The following ENOSF1 variants were observed in gnomAD, a reference collection of about 807,000 sequenced individuals.
ENOSF1 encodes enolase superfamily member 1.
A neutral mutation model predicts 68.2 loss-of-function variants in ENOSF1; 73 were observed. The ratio of observed to expected loss-of-function variants is 1.07; its 90% CI spans 0.89 to 1.30. The LOEUF is 1.30. Ranked by LOEUF, ENOSF1 falls within the 50% of genes most tolerant of loss-of-function variation. The pLI, the probability that ENOSF1 is intolerant of heterozygous loss-of-function variation, is 0.00. For synonymous variants in ENOSF1, 223 were observed against 210.4 expected (o/e 1.06, Z -0.52); for missense variants, 589 against 554.5 (o/e 1.06, Z -0.62).
chr18:704,600 T>A (rs1007172039), intron 2 of ENOSF1, among the ~76,000 whole-genome samples: 1 of 143,606 alleles, frequency 7.0e-6, no homozygotes, highest in Non-Finnish European at 1.5e-5. Flanking sequence ...TTCTGTCTTC[T>A]GTATCTTTTT....
chr18:702,702 G>C (rs896818713), intron 2 of ENOSF1, among the ~76,000 whole-genome samples: 4 of 151,788 alleles, frequency 2.6e-5, no homozygotes, highest in African/African-American at 9.7e-5. Context: ...TTGCACCACT[G>C]CACTCCAGCC....
downstream of ENOSF1, among the ~76,000 whole-genome samples, chr18:669,818 C>T (rs948922922): frequency 1.4e-5 from 2 of 143,466 alleles, no homozygotes; most frequent in Non-Finnish European, 3.1e-5. Flanking sequence ...GGTGTAGAGC[C>T]AGGTGTGGTG....
chr18:690,156 G>A (rs2144981259), intron 8 of ENOSF1, among the ~76,000 whole-genome samples: 1 of 152,178 alleles, frequency 6.6e-6, no homozygotes, highest in South Asian at 2.1e-4. Flanking sequence ...AACATAAGTA[G>A]TGTTTCCCTG....
intron 2 of ENOSF1, among the ~76,000 whole-genome samples, chr18:703,062 T>C (rs568393296): frequency 3.4e-4 from 52 of 152,234 alleles, no homozygotes; most frequent in African/African-American, 1.2e-3. Context: ...ACCTGAAATA[T>C]GTAGCAAGGT....
chr18:707,964 A>C (rs2079111737), intron 1 of ENOSF1, among the ~76,000 whole-genome samples: 1 of 150,582 alleles, frequency 6.6e-6, no homozygotes, highest in African/African-American at 2.4e-5. Context: ...GATTCAAGCG[A>C]TTCTTCTGCC....
rs2075114157 is a variant in ENOSF1, at chr18:672,634, A to G, written c.*1671T>C. The G allele has an allele frequency of 2.7e-6, 1 of 375,254 alleles. No individual in the cohort carries two copies. Among genetic ancestry groups the G allele is most frequent in the East Asian group, 3.8e-5 (1 of 26,012 alleles). 23.2% of individuals were successfully genotyped at this position (375,254 alleles called of 1,614,324 possible). A position where few individuals can be genotyped will look rare whatever the true frequency, so the allele number is the denominator to read the frequency against. ...CACCTGATGAGGCACCAGGCTCCTG[A>G]TGCTGTGTAATGTCACAAAATACCC... On this transcript the variant is annotated 3_prime_UTR_variant, in exon 16 of 16. Coordinates refer to ENST00000647584, the MANE Select transcript of ENOSF1 (RefSeq NM_017512.7).
downstream of ENOSF1, among the ~76,000 whole-genome samples, chr18:668,170 A>T (rs2144327625): frequency 6.6e-6 from 1 of 152,132 alleles, no homozygotes; most frequent in African/African-American, 2.4e-5. Flanking sequence ...CAATTTTAGC[A>T]CGTGTAGACT....
chr18:671,726 G>C lies in ENOSF1; in HGVS notation c.*2579C>G, dbSNP rs888275653. On this transcript the variant is annotated 3_prime_UTR_variant, in exon 16 of 16. Transcript: ENST00000647584. Reference sequence around the variant, plus strand: ...TTCAAGCCAGGGGATTGTCCAAAAGGGGGCATTTTAACTCATTTTAACTTG... The same window carrying C: ...TTCAAGCCAGGGGATTGTCCAAAAGCGGGCATTTTAACTCATTTTAACTTG... The C allele has an allele frequency of 9.2e-5, 43 of 467,754 alleles. No individual in the cohort carries two copies. Among genetic ancestry groups the C allele is most frequent in the Non-Finnish European group, 1.2e-4 (33 of 266,264 alleles). The allele number at this position is 467,754 out of a possible 1,614,324, so 29.0% of individuals were successfully genotyped here. A position where few individuals can be genotyped will look rare whatever the true frequency, so the allele number is the denominator to read the frequency against.
intron 11 of ENOSF1, among the ~76,000 whole-genome samples, chr18:679,094 C>T (rs1232548250): frequency 6.6e-6 from 1 of 152,148 alleles, no homozygotes; most frequent in Middle Eastern, 3.2e-3. Context: ...CGGAGTGGCT[C>T]ATTGTGGACT....
rs114778946 is a variant in ENOSF1, at chr18:690,656, A to G, written c.536-25T>C. 6,709 of 1,611,962 alleles carry G rather than the reference A, an allele frequency of 4.2e-3. 256 individuals are homozygous for G. The African/African-American group carries it at 0.08, about 19-fold the overall frequency. Reference sequence around the variant, plus strand: ...TCTGTGAAAACACAGCGCCGTCAACATTTTGCACTTTCCAGGGCCCTTCGG... The same window carrying G: ...TCTGTGAAAACACAGCGCCGTCAACGTTTTGCACTTTCCAGGGCCCTTCGG... On this transcript the variant is annotated intron_variant, in intron 7 of 15. Transcript: ENST00000647584.
At position 674,244 on chromosome 18, in the gene ENOSF1, A is replaced by C. The variant is rs2075236861; in HGVS notation, c.*61T>G. 1 of 1,191,488 alleles carries C rather than the reference A, an allele frequency of 8.4e-7. No homozygotes were observed. Among genetic ancestry groups the C allele is most frequent in the Non-Finnish European group, 1.2e-6 (1 of 826,168 alleles). 73.8% of individuals were successfully genotyped at this position (1,191,488 alleles called of 1,614,324 possible). A position where few individuals can be genotyped will look rare whatever the true frequency, so the allele number is the denominator to read the frequency against. On this transcript the variant is annotated 3_prime_UTR_variant, in exon 16 of 16. Transcript: ENST00000647584. ...TTTTTAAATCCATTTTTGTAAAACT[A>C]TTTCCAAGAAATTTTAAGCCCTTTC...
intron 9 of ENOSF1, chr18:687,660 A>G (rs2076739611): frequency 6.6e-6 from 1 of 152,404 alleles, no homozygotes; most frequent in South Asian, 2.1e-4. Flanking sequence ...CAGGGTCATC[A>G]ACCATCGAGG....
Position 672,989 on chromosome 18 carries a change from G to T in ENOSF1, c.*1316C>A. 6.4e-7 allele frequency: 1 copy of T among 1,564,314 alleles called. No individual in the cohort carries two copies. The highest frequency in any genetic ancestry group is 1.2e-5 in the South Asian group (1 of 86,130). ...GCATCCAACTATTAAAATGGAAATG[G>T]CTGTTTAGGGTGCTTTCAAAGGAGC... On this transcript the variant is annotated 3_prime_UTR_variant, in exon 16 of 16. Transcript: ENST00000647584.
intron 14 of ENOSF1, 100 bp from the exon 15 acceptor site, chr18:675,502 G>T: frequency 9.7e-7 from 1 of 1,034,444 alleles, no homozygotes; most frequent in Non-Finnish European, 1.5e-6. Context: ...TCAATTGACA[G>T]TGTTGGCCAA....
intron 2 of ENOSF1, among the ~76,000 whole-genome samples, chr18:705,788 C>T (rs573266222): frequency 4.6e-5 from 7 of 151,972 alleles, no homozygotes; most frequent in Middle Eastern, 3.4e-3. Context: ...ACAGGCGGAT[C>T]ATTTGAGGTC....
At chr18:690,433 C>T (rs545955957) in intron 8 of ENOSF1, 116 bp downstream of exon 8, 408 of 1,173,178 alleles carry the variant, frequency 3.5e-4, no homozygotes, top group Non-Finnish European at 4.7e-4. Context: ...AGAAGGAAAA[C>T]CACACACATC....
intron 2 of ENOSF1, among the ~76,000 whole-genome samples, chr18:703,897 T>C (rs935988779): frequency 1.3e-5 from 2 of 152,070 alleles, no homozygotes; most frequent in African/African-American, 4.8e-5. Flanking sequence ...AGTGAGTGAG[T>C]TCTCGTGAGA....
chr18:689,939 A>G (rs776000199), intron 8 of ENOSF1, among the ~76,000 whole-genome samples: 3 of 152,100 alleles, frequency 2.0e-5, no homozygotes, highest in Admixed American at 6.5e-5. Context: ...TGGCCAAATA[A>G]TGAATCACAT....
At chr18:691,145 A>G (rs2145023205) in intron 6 of ENOSF1, 39 bp from the exon 7 acceptor site, 1 of 1,613,954 alleles carries the variant, frequency 6.2e-7, no homozygotes, top group Non-Finnish European at 8.5e-7. Flanking sequence ...CTTTTAGGAA[A>G]CAAAGCATGC....
Sources: gnomAD v4.1 joint callset for allele counts (sites outside exome capture counted in the v4.1 genomes callset) on GRCh38, gnomAD v4.1.1 for gene constraint, MANE v1.5 for transcripts, NCBI Gene and HGNC (gene_info 2026-07-23, HGNC 2026-07-21) for gene names.